Variants in CPB2 observed in about 807,000 individuals in gnomAD.
CPB2 encodes carboxypeptidase B2.
CPB2 carries 54 observed loss-of-function variants against 57.0 expected under a neutral mutation model. The observed-to-expected ratio is 0.95, with a 90% CI of 0.76 to 1.19. The LOEUF (loss-of-function observed/expected upper bound fraction) is 1.19, where lower values mean the gene tolerates loss of function less well. Ranked by LOEUF, CPB2 falls within the 50% of genes most tolerant of loss-of-function variation. The pLI, the probability that CPB2 is intolerant of heterozygous loss-of-function variation, is 0.00. For missense variants in CPB2, 426 were observed against 512.0 expected (o/e 0.83, Z 1.62); for synonymous variants, 189 against 178.1 (o/e 1.06, Z -0.49).
At chr13:46,057,347 G>A (rs1304839670) in intron 9 of CPB2, among the ~76,000 whole-genome samples, 2 of 152,098 alleles carry the variant, frequency 1.3e-5, no homozygotes, top group Non-Finnish European at 2.9e-5. Context: ...TCTTATATTT[G>A]TCATCAGCAA....
At chr13:46,070,538 G>A (rs903031266) in intron 6 of CPB2, among the ~76,000 whole-genome samples, 1 of 152,026 alleles carries the variant, frequency 6.6e-6, no homozygotes, top group African/African-American at 2.4e-5. Flanking sequence ...TGCCTTTAAT[G>A]TGGCCCTAAA....
At chr13:46,065,721 C>T (rs562543406) in intron 7 of CPB2, among the ~76,000 whole-genome samples, 1 of 151,962 alleles carries the variant, frequency 6.6e-6, no homozygotes, top group Non-Finnish European at 1.5e-5. Flanking sequence ...CTCTCACCAA[C>T]CCTCCGCCAA....
At chr13:46,090,343 A>G (rs1344234083) in intron 1 of CPB2, among the ~76,000 whole-genome samples, 9 of 148,348 alleles carry the variant, frequency 6.1e-5, no homozygotes, top group Non-Finnish European at 1.0e-4. Flanking sequence ...AATACAGTGA[A>G]TTTGTCTATT....
intron 7 of CPB2, among the ~76,000 whole-genome samples, chr13:46,065,884 C>T (rs2044847529): frequency 6.6e-6 from 1 of 152,176 alleles, no homozygotes; most frequent in South Asian, 2.1e-4. Context: ...CTGAATTCCA[C>T]TGTGATTCAG....
intron 4 of CPB2, among the ~76,000 whole-genome samples, chr13:46,080,953 CA>C (rs2045104603): frequency 9.2e-6 from 1 of 108,486 alleles, no homozygotes; most frequent in African/African-American, 3.8e-5. Context: ...GCCTGGGTGA[CA>C]GAGAGAAACT....
intron 1 of CPB2, among the ~76,000 whole-genome samples, chr13:46,096,095 G>T (rs1028516677): frequency 3.3e-5 from 5 of 151,704 alleles, no homozygotes; most frequent in Non-Finnish European, 7.4e-5. Context: ...TGGTAAGGCT[G>T]GTCTCGAACT....
intron 1 of CPB2, among the ~76,000 whole-genome samples, chr13:46,102,512 A>G (rs1875425292): frequency 6.6e-6 from 1 of 150,814 alleles, no homozygotes; most frequent in South Asian, 2.1e-4. Flanking sequence ...TGCATGAATA[A>G]AAACTGTTAG....
At position 46,064,776 on chromosome 13, in the gene CPB2, A is replaced by G. The variant is rs757622899; in HGVS notation, c.703-35T>C. On this transcript the variant is annotated intron_variant, in intron 7 of 10. Coordinates refer to ENST00000181383, the MANE Select transcript of CPB2 (RefSeq NM_001872.5). ...CAAAATACAAACAGACAACCTGGGT[A>G]GCCACGTTCAAGGCCTGAGGAAAGA... 10 of 1,571,526 alleles carry G rather than the reference A, an allele frequency of 6.4e-6. No homozygotes were observed. In the South Asian group the frequency reaches 6.7e-5, roughly 10 times the overall value.
At chr13:46,079,892 C>T (rs965718564) in intron 4 of CPB2, among the ~76,000 whole-genome samples, 5 of 152,296 alleles carry the variant, frequency 3.3e-5, no homozygotes, top group South Asian at 2.1e-4. Context: ...ATTAAGGGCT[C>T]CTGCCCACCT....
At chr13:46,101,535 T>C (rs900577996) in intron 1 of CPB2, among the ~76,000 whole-genome samples, 45 of 152,130 alleles carry the variant, frequency 3.0e-4, no homozygotes, top group African/African-American at 1.1e-3. Context: ...CAGTGATAGA[T>C]AACCCCACTA....
chr13:46,085,332 T>C (rs920436903), intron 2 of CPB2, among the ~76,000 whole-genome samples: 5 of 152,224 alleles, frequency 3.3e-5, no homozygotes, highest in Admixed American at 6.5e-5. Flanking sequence ...CTTCCTCTTG[T>C]AGTATTTCCT....
Position 46,065,626 on chromosome 13 carries a change from CAAAAAAAA to C in CPB2, c.703-893_703-886del, listed in dbSNP as rs397851865. On this transcript the variant is annotated intron_variant, in intron 7 of 10. Coordinates refer to ENST00000181383, the MANE Select transcript of CPB2 (RefSeq NM_001872.5). ...TGGGCGACAGAGCAAGACTCCGTCT[CAAAAAAAA>C]AAAAAAAAAAAAAAAAGAGTTGCAC... 3.2e-3 allele frequency among the ~76,000 whole-genome samples: 197 copies of C among 61,998 alleles called. 3 individuals carry two copies. The Middle Eastern group carries it at 0.035, about 11-fold the overall frequency. 40.7% of individuals were successfully genotyped at this position (61,998 alleles called of 152,430 possible). A position where few individuals can be genotyped will look rare whatever the true frequency, so the allele number is the denominator to read the frequency against.
chr13:46,057,579 C>T (rs1256944448), intron 9 of CPB2, among the ~76,000 whole-genome samples: 25 of 152,182 alleles, frequency 1.6e-4, no homozygotes, highest in Admixed American at 1.6e-3. Flanking sequence ...TGAACCCAAA[C>T]ATACAGTATC....
At chr13:46,078,003 AGCACAG>A (rs1263986824) in intron 5 of CPB2, among the ~76,000 whole-genome samples, 4 of 152,148 alleles carry the variant, frequency 2.6e-5, no homozygotes, top group Admixed American at 1.3e-4. Flanking sequence ...AGTGTGTAGT[AGCACAG>A]TAGGGTGACG....
chr13:46,075,610 A>T (rs190553919), intron 5 of CPB2, among the ~76,000 whole-genome samples: 2 of 152,350 alleles, frequency 1.3e-5, no homozygotes, highest in East Asian at 3.9e-4. Context: ...CCAACATTTC[A>T]TATGTCTGCC....
At chr13:46,076,835 A>G (rs1189655799) in intron 5 of CPB2, among the ~76,000 whole-genome samples, 3 of 152,178 alleles carry the variant, frequency 2.0e-5, no homozygotes, top group Non-Finnish European at 4.4e-5. Context: ...ATACATTGGG[A>G]AAAGGACAGT....
chr13:46,064,864 T>C, intron 7 of CPB2, 123 bp from the exon 8 acceptor site: 1 of 700,346 alleles, frequency 1.4e-6, no homozygotes, highest in Non-Finnish European at 2.5e-6. Flanking sequence ...ATACCTTGCA[T>C]GGCTTCATCA....
intron 8 of CPB2, among the ~76,000 whole-genome samples, chr13:46,061,573 G>T (rs1259184980): frequency 6.6e-6 from 1 of 152,146 alleles, no homozygotes; most frequent in Non-Finnish European, 1.5e-5. Flanking sequence ...CCATGTGAGG[G>T]CACAGAGAGA....
chr13:46,079,178 G>A (rs1454833386), intron 4 of CPB2, among the ~76,000 whole-genome samples: 2 of 152,140 alleles, frequency 1.3e-5, no homozygotes, highest in Non-Finnish European at 2.9e-5. Context: ...GCCCCTGAAA[G>A]TTACTTTTAA....
Sources: gnomAD v4.1 joint callset for allele counts (sites outside exome capture counted in the v4.1 genomes callset) on GRCh38, gnomAD v4.1.1 for gene constraint, MANE v1.5 for transcripts, NCBI Gene and HGNC (gene_info 2026-07-23, HGNC 2026-07-21) for gene names.